The following CHN2 variants were observed in gnomAD, a reference collection of about 807,000 sequenced individuals.
CHN2 encodes the protein chimerin 2.
CHN2 carries 35 observed loss-of-function variants against 56.3 expected under a neutral mutation model. The observed-to-expected ratio is 0.62, with a 90% CI of 0.47 to 0.82. The LOEUF is 0.82. Among genes scored for constraint, CHN2 ranks in the 40% least tolerant of loss-of-function variants. The pLI is 0.00. For synonymous variants in CHN2, 210 were observed against 212.8 expected (o/e 0.99, Z 0.12); for missense variants, 491 against 580.5 (o/e 0.85, Z 1.58).
chr7:29,241,689 GGA>G (rs1787693558), intron 1 of CHN2, among the ~76,000 whole-genome samples: 2 of 152,176 alleles, frequency 1.3e-5, no homozygotes, highest in South Asian at 4.2e-4. Context: ...AGGAGGGGAG[GGA>G]GAGAGGGTAG....
chr7:29,181,635 A>G (rs1452720281), intron 2 of CHN2, among the ~76,000 whole-genome samples: 1 of 152,272 alleles, frequency 6.6e-6, no homozygotes, highest in Non-Finnish European at 1.5e-5. Context: ...GTTCATTCCA[A>G]AAGGAAAGTA....
At chr7:29,175,043 T>C (rs1797102963) in intron 2 of CHN2, among the ~76,000 whole-genome samples, 1 of 152,126 alleles carries the variant, frequency 6.6e-6, no homozygotes, top group African/African-American at 2.4e-5. Context: ...TCATCTTGAA[T>C]TGTAGCTCCC....
intron 12 of CHN2, among the ~76,000 whole-genome samples, chr7:29,511,414 C>T (rs1404293360): frequency 6.6e-6 from 1 of 152,192 alleles, no homozygotes; most frequent in African/African-American, 2.4e-5. Flanking sequence ...AGGCAAAGTA[C>T]CACTACCAGA....
chr7:29,183,145 C>T (rs889443814), intron 2 of CHN2, among the ~76,000 whole-genome samples: 8 of 148,020 alleles, frequency 5.4e-5, no homozygotes, highest in African/African-American at 1.8e-4. Flanking sequence ...AGTGCAACGG[C>T]GCAATCTTGG....
chr7:29,291,694 C>T (rs767846541), intron 1 of CHN2, among the ~76,000 whole-genome samples: 25 of 152,130 alleles, frequency 1.6e-4, no homozygotes, highest in Middle Eastern at 6.8e-3. Flanking sequence ...AACCATGCTG[C>T]AATGAACATT....
intron 6 of CHN2, among the ~76,000 whole-genome samples, chr7:29,462,766 T>C (rs1785256950): frequency 6.6e-6 from 1 of 152,204 alleles, no homozygotes; most frequent in Non-Finnish European, 1.5e-5. Flanking sequence ...TCATATTCTT[T>C]TTTTTTAAAT....
Position 29,512,802 on chromosome 7 carries a change from C to T in CHN2, c.*67C>T. ...GTTGACACAGCTAAAGGAATAAAAA[C>T]ATTTCTTACCACTTGATTTGTTTTC... On this transcript the variant is annotated 3_prime_UTR_variant, in exon 13 of 13. Coordinates refer to ENST00000222792, the MANE Select transcript of CHN2 (RefSeq NM_004067.4). The T allele has an allele frequency of 6.7e-7, 1 of 1,495,948 alleles. No homozygotes were observed. The highest frequency in any genetic ancestry group is 2.0e-4 in the Middle Eastern group (1 of 5,038). 92.7% of individuals were successfully genotyped at this position (1,495,948 alleles called of 1,614,324 possible). A position where few individuals can be genotyped will look rare whatever the true frequency, so the allele number is the denominator to read the frequency against.
chr7:29,242,301 G>C (rs557458795), intron 1 of CHN2, among the ~76,000 whole-genome samples: 1 of 152,204 alleles, frequency 6.6e-6, no homozygotes, highest in Non-Finnish European at 1.5e-5. Context: ...CTGTGCTGCT[G>C]TGTCTGTATA....
intron 2 of CHN2, chr7:29,184,593 A>G (rs1376771089): frequency 3.3e-5 from 5 of 152,154 alleles, no homozygotes; most frequent in Non-Finnish European, 5.9e-5. Context: ...AGGCCATCAC[A>G]AGAGTTTTCT....
intron 6 of CHN2, chr7:29,445,188 G>C (rs1158403645): frequency 2.2e-6 from 1 of 455,564 alleles, no homozygotes; most frequent in East Asian, 7.0e-5. Context: ...GTGGAGCCCA[G>C]ACCCACAGAA....
At chr7:29,510,430 C>T (rs1012955513) in intron 12 of CHN2, among the ~76,000 whole-genome samples, 20 of 152,102 alleles carry the variant, frequency 1.3e-4, no homozygotes, top group African/African-American at 3.4e-4. Flanking sequence ...CAGAATGAGA[C>T]GCTGTCTCAA....
rs546335865 is a variant in CHN2 at position 29,242,431 on chromosome 7, C to T, written c.49+47441C>T. 1.2e-4 allele frequency among the ~76,000 whole-genome samples: 19 copies of T among 152,308 alleles called. 1 individual carries two copies. The highest frequency in any genetic ancestry group is 9.8e-4 in the Admixed American group (15 of 15,292). On this transcript the variant is annotated intron_variant, in intron 1 of 12. Transcript: ENST00000222792. ...AACTGTGGCTGCCCTCTGCATACTG[C>T]TGGCTGTGATGTCAACACTGTGTTT...
Position 29,513,555 on chromosome 7 carries a change from C to G in CHN2, c.*820C>G, listed in dbSNP as rs541538737. 6.6e-6 allele frequency: 1 copy of G among 152,306 alleles called. No homozygotes were observed. Among genetic ancestry groups the G allele is most frequent in the South Asian group, 2.1e-4 (1 of 4,820 alleles). The allele number at this position is 152,306 out of a possible 1,614,324, so 9.4% of individuals were successfully genotyped here. On this transcript the variant is annotated 3_prime_UTR_variant, in exon 13 of 13. Transcript: ENST00000222792. ...TATCCCAGAAGATACAGAATGCGGTCATTTTACCTGAAATTATTTGAGAAC... is the reference window on the plus strand; with the variant it reads ...TATCCCAGAAGATACAGAATGCGGTGATTTTACCTGAAATTATTTGAGAAC...
At chr7:29,256,533 G>A (rs1317352763) in intron 1 of CHN2, among the ~76,000 whole-genome samples, 5 of 152,214 alleles carry the variant, frequency 3.3e-5, no homozygotes, top group African/African-American at 9.6e-5. Context: ...AGGTGATTTA[G>A]TTGTTCGTTT....
At chr7:29,175,749 GAAAAAAACAAAAC>G (rs1228005538) in intron 2 of CHN2, among the ~76,000 whole-genome samples, 3 of 151,816 alleles carry the variant, frequency 2.0e-5, no homozygotes, top group African/African-American at 7.3e-5. Flanking sequence ...GGAGCACAGG[GAAAAAAACAAAAC>G]AAAAAAACAG....
At chr7:29,234,467 C>T (rs1326040050) in intron 1 of CHN2, among the ~76,000 whole-genome samples, 1 of 152,160 alleles carries the variant, frequency 6.6e-6, no homozygotes, top group Non-Finnish European at 1.5e-5. Flanking sequence ...TGAAGCCCTC[C>T]ATTGGCCCCA....
chr7:29,477,951 G>T (rs117224082), intron 6 of CHN2, among the ~76,000 whole-genome samples: 2,540 of 152,304 alleles, frequency 0.017, 37 homozygotes, highest in Non-Finnish European at 0.031. Context: ...TTTGTAGGGG[G>T]AAACAAAAGC....
At chr7:29,155,431 G>A (rs1794225830) in intron 2 of CHN2, among the ~76,000 whole-genome samples, 1 of 152,132 alleles carries the variant, frequency 6.6e-6, no homozygotes, top group African/African-American at 2.4e-5. Flanking sequence ...CACACATGAG[G>A]TCATTCAGCC....
At chr7:29,374,864 CCTTT>C (rs1476916613) in intron 3 of CHN2, among the ~76,000 whole-genome samples, 11 of 149,632 alleles carry the variant, frequency 7.4e-5, no homozygotes, top group East Asian at 2.0e-4. Context: ...TCCCTCCCTC[CCTTT>C]CTCCCTTTCT....
Sources: gnomAD v4.1 joint callset for allele counts (sites outside exome capture counted in the v4.1 genomes callset) on GRCh38, gnomAD v4.1.1 for gene constraint, MANE v1.5 for transcripts, NCBI Gene and HGNC (gene_info 2026-07-23, HGNC 2026-07-21) for gene names.